The following PEX1 variants were observed in gnomAD, a reference collection of about 807,000 sequenced individuals.
PEX1 encodes the protein peroxisomal ATPase PEX1.
A neutral mutation model predicts 152.5 loss-of-function variants in PEX1; 97 were observed. The observed-to-expected ratio is 0.64, with a 90% CI of 0.54 to 0.75. The LOEUF (loss-of-function observed/expected upper bound fraction) is 0.75. PEX1 is among the 30% of genes least tolerant of loss of function. The pLI, the probability that PEX1 is intolerant of heterozygous loss-of-function variation, is 0.00. For missense variants in PEX1, 1,357 were observed against 1,516.3 expected, an observed-to-expected ratio of 0.89 and a Z score of 1.74; for synonymous variants, 485 against 531.6, an observed-to-expected ratio of 0.91 and a Z score of 1.21.
rs67750906 is a variant in PEX1 at position 92,515,067 on chromosome 7, CTATATATATA to C, written c.1240-1110_1240-1101del. Among the ~76,000 whole-genome samples the C allele has an allele frequency of 6.2e-3, 778 of 125,102 alleles. 11 individuals are homozygous for C. The highest frequency in any genetic ancestry group is 9.8e-3 in the Non-Finnish European group (592 of 60,250). The allele number at this position is 125,102 out of a possible 152,430, so 82.1% of individuals were successfully genotyped here. A position where few individuals can be genotyped will look rare whatever the true frequency, so the allele number is the denominator to read the frequency against. On this transcript the variant is annotated intron_variant, in intron 5 of 23. Coordinates refer to ENST00000248633, the MANE Select transcript of PEX1 (RefSeq NM_000466.3). ...GTCTCAAGAAAAAAAAAAAAATTAT[CTATATATATA>C]TATATATATATATATATATATATAT...
At chr7:92,515,745 G>C (rs575529071) in intron 5 of PEX1, among the ~76,000 whole-genome samples, 2 of 152,168 alleles carry the variant, frequency 1.3e-5, no homozygotes, top group Non-Finnish European at 2.9e-5. Context: ...TGTAATCCCA[G>C]CACCTTGGGA....
chr7:92,513,840 G>T lies in PEX1; in HGVS notation c.1359+8C>A, dbSNP rs2116220918. 1.3e-6 allele frequency: 2 copies of T among 1,592,052 alleles called. No homozygotes were observed. Among genetic ancestry groups the T allele is most frequent in the South Asian group, 1.1e-5 (1 of 90,016 alleles). On this transcript the variant is annotated splice_region_variant and intron_variant, in intron 6 of 23. Transcript: ENST00000248633. ...GAATTTTGATGTAACATATATATTTGAACTCACTAAATTCTCTCTAGGTTG... is the reference window on the plus strand; with the variant it reads ...GAATTTTGATGTAACATATATATTTTAACTCACTAAATTCTCTCTAGGTTG...
chr7:92,526,173 CTA>C (rs1793260741), intron 1 of PEX1, among the ~76,000 whole-genome samples: 1 of 152,208 alleles, frequency 6.6e-6, no homozygotes, highest in South Asian at 2.1e-4. Flanking sequence ...CATTAAAATT[CTA>C]TGATTCTAGG....
intron 10 of PEX1, chr7:92,506,560 AACTAATC>A (rs1792201754): frequency 5.3e-6 from 3 of 567,324 alleles, no homozygotes; most frequent in Admixed American, 6.1e-5. Flanking sequence ...GAAAACTGCA[AACTAATC>A]ACTTTCAAAC....
In PEX1 at chr7:92,509,362, A is replaced by C; in HGVS notation, c.1637T>G (p.Phe546Cys). The change falls in exon 9 of 24, where the codon TTT becomes TGT. Residue 546 changes from phenylalanine (F) to cysteine (C), a missense_variant. Physicochemically the swap from Phe to Cys is radical, Grantham distance 205 (BLOSUM62 -2). Coordinates refer to ENST00000248633, the MANE Select transcript of PEX1 (RefSeq NM_000466.3). ...GCTCAGCTTTAAAAAAGGAAGAATA[A>C]AGTCAATTTCCTCACTGTTTTCTTC... ...VKEENSEEIDFILPFLKLSSL... is the reference protein window; with the variant it reads ...VKEENSEEIDCILPFLKLSSL... 6.2e-7 allele frequency: 1 copy of C among 1,613,084 alleles called. No homozygotes were observed. The highest frequency in any genetic ancestry group is 1.1e-5 in the South Asian group (1 of 91,064).
At chr7:92,492,916 T>G in intron 20 of PEX1, 37 bp downstream of exon 20, 1 of 1,509,724 alleles carries the variant, frequency 6.6e-7, no homozygotes, top group Non-Finnish European at 9.2e-7. Flanking sequence ...CTTTTATCAC[T>G]CATAAAATGT....
At position 92,500,657 on chromosome 7, in the gene PEX1, C is replaced by T. The variant is rs561450948; in HGVS notation, c.2584-819G>A. ...GTCCCAGGCCCCAGTGGCCACTGTT[C>T]CCAGGAGTTGCCATGCAGCAGGCTC... On this transcript the variant is annotated intron_variant, in intron 15 of 23. Transcript: ENST00000248633. 2.9e-4 allele frequency among the ~76,000 whole-genome samples: 44 copies of T among 152,260 alleles called. 1 individual carries two copies. In the South Asian group the frequency reaches 8.9e-3, roughly 31 times the overall value.
At chr7:92,512,109 T>C (rs1792499804) in intron 6 of PEX1, among the ~76,000 whole-genome samples, 1 of 152,188 alleles carries the variant, frequency 6.6e-6, no homozygotes, top group African/African-American at 2.4e-5. Context: ...CTCCACTCAC[T>C]GCAACCTCTG....
chr7:92,524,226 T>A (rs1222307044), intron 1 of PEX1, among the ~76,000 whole-genome samples: 1 of 151,694 alleles, frequency 6.6e-6, no homozygotes, highest in African/African-American at 2.4e-5. Context: ...GTGCTGGGAT[T>A]ACAGGCATGA....
intron 5 of PEX1, among the ~76,000 whole-genome samples, chr7:92,516,298 A>G (rs1335889743): frequency 6.6e-6 from 1 of 151,796 alleles, no homozygotes; most frequent in Non-Finnish European, 1.5e-5. Flanking sequence ...GTGGTGGTGC[A>G]TGCCTGTAGT....
intron 2 of PEX1, among the ~76,000 whole-genome samples, chr7:92,520,953 TATA>T (rs200722300): frequency 0.045 from 6,781 of 152,106 alleles, 269 homozygotes; most frequent in South Asian, 0.24. Flanking sequence ...GTAAAATAGT[TATA>T]ATGAATATGT....
rs1792923719 is a variant in PEX1 at position 92,518,829 on chromosome 7, CAAAGTGCTGGGACTAT to C, written c.357+150_357+165del. 16 of 638,856 alleles carry C rather than the reference CAAAGTGCTGGGACTAT, an allele frequency of 2.5e-5. No homozygotes were observed. In the South Asian group the frequency reaches 2.8e-4, roughly 11 times the overall value. 39.6% of individuals were successfully genotyped at this position (638,856 alleles called of 1,614,324 possible). On this transcript the variant is annotated intron_variant, in intron 3 of 23. Coordinates refer to ENST00000248633, the MANE Select transcript of PEX1 (RefSeq NM_000466.3). ...AAGCAATCCACCTGCCTTGGCCTCC[CAAAGTGCTGGGACTAT>C]AGGCATGAGCTACTGTGCCTGGCCC...
At chr7:92,501,743 A>G in intron 14 of PEX1, 70 bp from the exon 15 acceptor site, 1 of 1,424,106 alleles carries the variant, frequency 7.0e-7, no homozygotes, top group Admixed American at 1.8e-5. Flanking sequence ...ATATGCCATC[A>G]TCTTAGCTGG....
chr7:92,493,187 A>C (rs1791449414), intron 19 of PEX1, 58 bp from the exon 20 acceptor site: 3 of 962,200 alleles, frequency 3.1e-6, no homozygotes, highest in Non-Finnish European at 4.7e-6. Context: ...TATTATCTTA[A>C]ATTGTGTATC....
chr7:92,519,054 C>T lies in PEX1; in HGVS notation c.298G>A (p.Val100Met). ...GQVFLKPCSH[V>M]VSCQQVEVEP... ...ACCTCAACTTGTTGACAAGATACCA[C>T]ATGGGAACATGGCTTGAGAAATACC... Residue 100 changes from valine (V) to methionine (M), a missense_variant, in exon 3 of 24, where the codon GTG becomes ATG. Val to Met is a conservative substitution (Grantham distance 21). Transcript: ENST00000248633. The T allele has an allele frequency of 6.2e-7, 1 of 1,607,728 alleles. No individual in the cohort carries two copies. Among genetic ancestry groups the T allele is most frequent in the Non-Finnish European group, 8.5e-7 (1 of 1,174,380 alleles).
chr7:92,517,643 T>C lies in PEX1; in HGVS notation c.872A>G (p.Lys291Arg), dbSNP rs866166719. The change falls in exon 5 of 24, where the codon AAA (lysine) becomes AGA (arginine). Residue 291 changes from lysine to arginine, a missense_variant. By Grantham distance (26) the Lys-to-Arg change is conservative. Transcript: ENST00000248633. ...VPLDNIFRVCKSQPPSIYNAS... is the reference protein window; with the variant it reads ...VPLDNIFRVCRSQPPSIYNAS... ...GTTATATATACTAGGAGGTTGAGATTTGCATACTCTGAAAATATTGTCTAG... is the reference window on the plus strand; with the variant it reads ...GTTATATATACTAGGAGGTTGAGATCTGCATACTCTGAAAATATTGTCTAG... 1.2e-6 allele frequency: 2 copies of C among 1,614,000 alleles called. No individual in the cohort carries two copies. Among genetic ancestry groups the C allele is most frequent in the African/African-American group, 2.7e-5 (2 of 75,018 alleles).
rs529763619 is a variant in PEX1 at position 92,521,593 on chromosome 7, C to T, written c.273+509G>A. 4.6e-5 allele frequency among the ~76,000 whole-genome samples: 7 copies of T among 152,100 alleles called. No individual in the cohort carries two copies. The South Asian group carries it at 1.0e-3, about 23-fold the overall frequency. On this transcript the variant is annotated intron_variant, in intron 2 of 23. Coordinates refer to ENST00000248633, the MANE Select transcript of PEX1 (RefSeq NM_000466.3). ...GGGATTACAGGCACCTGCCACCATG[C>T]CCAGCTAATTTTTGAATTTTTAGTA... is the stretch of plus-strand genomic sequence containing the variant.
chr7:92,496,536 T>C (rs1791661183), intron 17 of PEX1, among the ~76,000 whole-genome samples, 177 bp downstream of exon 17: 1 of 152,182 alleles, frequency 6.6e-6, no homozygotes, highest in Non-Finnish European at 1.5e-5. Context: ...AAATTTAATA[T>C]CTAAAATGTT....
At chr7:92,505,003 C>T (rs537049428) in intron 11 of PEX1, 101 bp from the exon 12 acceptor site, 5 of 854,750 alleles carry the variant, frequency 5.8e-6, no homozygotes, top group Non-Finnish European at 9.8e-6. Context: ...ATTGATTTAA[C>T]TATAAAAATT....
Sources: gnomAD v4.1 joint callset for allele counts (sites outside exome capture counted in the v4.1 genomes callset) on GRCh38, gnomAD v4.1.1 for gene constraint, MANE v1.5 for transcripts, NCBI Gene and HGNC (gene_info 2026-07-23, HGNC 2026-07-21) for gene names.